Variants in EPHB2 observed in about 807,000 individuals in gnomAD.
The protein encoded by EPHB2 is EPH receptor B2.
A neutral mutation model predicts 96.4 loss-of-function variants in EPHB2; 18 were observed. That is an observed-to-expected ratio of 0.19 (90% confidence interval 0.13 to 0.28). The LOEUF is 0.28. Ranked by LOEUF, EPHB2 falls within the 10% of genes least tolerant of loss-of-function variation. The pLI, the probability that EPHB2 is intolerant of heterozygous loss-of-function variation, is 1.00. For missense variants in EPHB2, 989 were observed against 1,355.4 expected (o/e 0.73, Z 4.25); for synonymous variants, 506 against 534.1 (o/e 0.95, Z 0.72).
At chr1:22,879,319 C>T (rs1489493858) in intron 5 of EPHB2, among the ~76,000 whole-genome samples, 3 of 152,312 alleles carry the variant, frequency 2.0e-5, no homozygotes, top group Non-Finnish European at 4.4e-5. Context: ...AAGGGATGAG[C>T]CCCCAGATTG....
intron 3 of EPHB2, among the ~76,000 whole-genome samples, chr1:22,857,531 A>G (rs1395566045): frequency 6.6e-6 from 1 of 151,916 alleles, no homozygotes; most frequent in Admixed American, 6.6e-5. Context: ...TTACAGTAGG[A>G]TGGTCAATCC....
intron 3 of EPHB2, among the ~76,000 whole-genome samples, chr1:22,799,709 T>C (rs1244872750): frequency 1.3e-5 from 2 of 152,186 alleles, no homozygotes; most frequent in African/African-American, 2.4e-5. Flanking sequence ...TGGTTGTCAC[T>C]GAACACAGGT....
In EPHB2 at chr1:22,865,107, G is replaced by A. The variant is rs2148527722; in HGVS notation, c.1198G>A (p.Ala400Thr). The A allele has an allele frequency of 6.2e-7, 1 of 1,614,212 alleles. No homozygotes were observed. The highest frequency in any genetic ancestry group is 8.5e-7 in the Non-Finnish European group (1 of 1,180,044). The stretch of plus-strand genomic sequence containing the variant: ...ACGCATTTACATCAGTGACCTGCTG[G>A]CCCACACCCAGTACACCTTCGAGAT... ...EPRIYISDLL[A>T]HTQYTFEIQA... Residue 400 changes from alanine (A) to threonine (T), a missense_variant, in exon 5 of 16, where the codon GCC becomes ACC. Physicochemically the swap from Ala to Thr is moderately conservative, Grantham distance 58 (BLOSUM62 0). Coordinates refer to ENST00000374630, the MANE Select transcript of EPHB2 (RefSeq NM_017449.5).
chr1:22,845,398 G>A (rs574628466), intron 3 of EPHB2, among the ~76,000 whole-genome samples: 2 of 152,290 alleles, frequency 1.3e-5, no homozygotes, highest in East Asian at 3.9e-4. Flanking sequence ...ACCCTTCTAA[G>A]CAGAGTTCCC....
chr1:22,822,136 G>A (rs140300301), intron 3 of EPHB2, among the ~76,000 whole-genome samples: 352 of 152,272 alleles, frequency 2.3e-3, no homozygotes, highest in African/African-American at 7.9e-3. Flanking sequence ...AGTAAGTCCA[G>A]CTATGTGATC....
intron 1 of EPHB2, among the ~76,000 whole-genome samples, chr1:22,747,113 A>G (rs925105873): frequency 1.3e-5 from 2 of 152,178 alleles, no homozygotes; most frequent in East Asian, 1.9e-4. Flanking sequence ...CGGGTTCTGC[A>G]TCAGCTGCTG....
At chr1:22,761,494 T>C (rs937842075) in intron 1 of EPHB2, among the ~76,000 whole-genome samples, 1 of 152,178 alleles carries the variant, frequency 6.6e-6, no homozygotes, top group African/African-American at 2.4e-5. Context: ...AGAATAAGCA[T>C]TGGAGCCATG....
chr1:22,819,605 A>G (rs1460283506), intron 3 of EPHB2, among the ~76,000 whole-genome samples: 1 of 151,916 alleles, frequency 6.6e-6, no homozygotes, highest in South Asian at 2.1e-4. Flanking sequence ...TGGGGTCCTG[A>G]CCACCCCGGG....
At chr1:22,777,150 A>G (rs1310926766) in intron 1 of EPHB2, among the ~76,000 whole-genome samples, 3 of 152,328 alleles carry the variant, frequency 2.0e-5, no homozygotes, top group Middle Eastern at 3.4e-3. Flanking sequence ...AGAGGTGAGA[A>G]GGTCAGAAGG....
intron 3 of EPHB2, among the ~76,000 whole-genome samples, chr1:22,799,416 A>T (rs897183205): frequency 2.0e-5 from 3 of 152,214 alleles, no homozygotes; most frequent in Non-Finnish European, 4.4e-5. Context: ...GGCCCTGGAC[A>T]GGTGACTCAC....
intron 1 of EPHB2, among the ~76,000 whole-genome samples, chr1:22,745,224 G>A (rs1001818789): frequency 2.0e-5 from 3 of 152,180 alleles, no homozygotes; most frequent in Non-Finnish European, 4.4e-5. Context: ...AAATTGTGGG[G>A]TATTCATTCA....
rs1028955041 is a variant in EPHB2 at position 22,790,827 on chromosome 1, C to A, written c.811+5751C>A. Among the ~76,000 whole-genome samples the A allele has an allele frequency of 2.0e-5, 3 of 152,212 alleles. No homozygotes were observed. The highest frequency in any genetic ancestry group is 7.2e-5 in the African/African-American group (3 of 41,442). On this transcript the variant is annotated intron_variant, in intron 3 of 15. Transcript: ENST00000374630. The surrounding 1 kb of genome is among the most constrained non-coding windows in gnomAD (Gnocchi z 4.0). ...TGCTAGCCAGCTCGGGGTGGTTGCA[C>A]GCACATGTTGATTCGCTGGCTCCAG...
intron 3 of EPHB2, among the ~76,000 whole-genome samples, chr1:22,797,519 T>C (rs1007147833): frequency 2.0e-5 from 3 of 151,974 alleles, no homozygotes; most frequent in Admixed American, 2.0e-4. Context: ...TGGCCTCCTC[T>C]TCTCTCTCCC....
chr1:22,743,200 C>T lies in EPHB2; in HGVS notation c.61+32157C>T, dbSNP rs567230913. 1.3e-4 allele frequency among the ~76,000 whole-genome samples: 20 copies of T among 152,220 alleles called. No homozygotes were observed. The South Asian group carries it at 3.9e-3, about 30-fold the overall frequency. On this transcript the variant is annotated intron_variant, in intron 1 of 15. Coordinates refer to ENST00000374630, the MANE Select transcript of EPHB2 (RefSeq NM_017449.5). ...AGCCCCTACACCTGGCCTAAACAAG[C>T]CTTTTTGAGTGCCAACTCTGTACTA... is the stretch of plus-strand genomic sequence containing the variant.
intron 3 of EPHB2, among the ~76,000 whole-genome samples, chr1:22,793,678 TG>T (rs1444525399): frequency 6.6e-6 from 1 of 152,156 alleles, no homozygotes; most frequent in African/African-American, 2.4e-5. Context: ...CTGAGAGGCC[TG>T]GAGGAGGCCC....
rs113913592 is a variant in EPHB2 at position 22,898,554 on chromosome 1, G to A, written c.1765+2076G>A. ...GCTCATCAGGCTCAGCAAAGCCTTG[G>A]CTTTTCCCTGAGTGAAATGGGGAGC... On this transcript the variant is annotated intron_variant, in intron 9 of 15. Coordinates refer to ENST00000374630, the MANE Select transcript of EPHB2 (RefSeq NM_017449.5). Among the ~76,000 whole-genome samples, 23 of 152,312 alleles carry A rather than the reference G, an allele frequency of 1.5e-4. 1 individual carries two copies. Among genetic ancestry groups the A allele is most frequent in the Middle Eastern group, 6.8e-3 (2 of 294 alleles).
At chr1:22,825,663 G>A (rs911185622) in intron 3 of EPHB2, among the ~76,000 whole-genome samples, 8 of 152,352 alleles carry the variant, frequency 5.3e-5, no homozygotes, top group East Asian at 3.9e-4. Flanking sequence ...CCTGACATCT[G>A]GAGCAGGAGA....
At chr1:22,809,501 C>G (rs377445531) in intron 3 of EPHB2, among the ~76,000 whole-genome samples, 2 of 152,164 alleles carry the variant, frequency 1.3e-5, no homozygotes, top group South Asian at 4.1e-4. Flanking sequence ...ATGTTATATA[C>G]ATACTCATTT....
At chr1:22,747,430 G>A (rs1440768497) in intron 1 of EPHB2, among the ~76,000 whole-genome samples, 1 of 152,220 alleles carries the variant, frequency 6.6e-6, no homozygotes, top group African/African-American at 2.4e-5. Context: ...GTTGATGCCA[G>A]ACCAACTAGG....
Sources: allele counts gnomAD v4.1 joint callset (sites outside exome capture counted in the v4.1 genomes callset), GRCh38; gene constraint gnomAD v4.1.1; non-coding constraint Gnocchi (gnomAD v3.1); transcripts MANE v1.5; gene names NCBI Gene and HGNC (gene_info 2026-07-23, HGNC 2026-07-21).